Variants in COP1 observed in about 807,000 individuals in gnomAD.
COP1 encodes the protein COP1 E3 ubiquitin ligase, also known as E3 ubiquitin-protein ligase COP1.
In COP1, 24 loss-of-function variants were observed where a neutral mutation model predicts 101.3. The observed-to-expected ratio is 0.24, with a 90% confidence interval of 0.17 to 0.33. The LOEUF (loss-of-function observed/expected upper bound fraction) is 0.33. Ranked by LOEUF, COP1 falls within the 10% of genes least tolerant of loss-of-function variation. The probability of loss-of-function intolerance (pLI) is 1.00; values close to 1 mark genes in which losing one functional copy is unlikely to be tolerated. For missense variants in COP1, 663 were observed against 906.2 expected, an observed-to-expected ratio of 0.73 and a Z score of 3.45; for synonymous variants, 347 against 341.9, an observed-to-expected ratio of 1.01 and a Z score of -0.17.
At position 176,076,129 on chromosome 1, in the gene COP1, A is replaced by G. The variant is rs137929481; in HGVS notation, c.1277+5023T>C. Among the ~76,000 whole-genome samples, 373 of 152,172 alleles carry G rather than the reference A, an allele frequency of 2.5e-3. 3 individuals are homozygous for G. Among genetic ancestry groups the G allele is most frequent in the Non-Finnish European group, 1.9e-3 (132 of 68,008 alleles). ...TCTACACTTGACCAACTGGATACACATTGACACAGAGTACTACACCCAACA... is the reference window on the plus strand; with the variant it reads ...TCTACACTTGACCAACTGGATACACGTTGACACAGAGTACTACACCCAACA... On this transcript the variant is annotated intron_variant, in intron 11 of 19. Transcript: ENST00000367669.
chr1:176,092,856 T>C (rs915937904), intron 9 of COP1, among the ~76,000 whole-genome samples: 1 of 152,132 alleles, frequency 6.6e-6, no homozygotes, highest in Non-Finnish European at 1.5e-5. Flanking sequence ...TAGGTACATA[T>C]CTAGGGAAAC....
intron 3 of COP1, among the ~76,000 whole-genome samples, chr1:176,172,216 AT>A (rs1696180794): frequency 6.6e-6 from 1 of 152,110 alleles, no homozygotes; most frequent in Non-Finnish European, 1.5e-5. Flanking sequence ...CGCCTGGCTA[AT>A]TTTTTATAGA....
chr1:176,091,602 C>A (rs1193432069), intron 9 of COP1, among the ~76,000 whole-genome samples: 1 of 151,824 alleles, frequency 6.6e-6, no homozygotes, highest in Non-Finnish European at 1.5e-5. Context: ...TTGTATTGTT[C>A]AGGAAGGTAA....
chr1:175,991,829 C>G (rs1487318427), intron 15 of COP1, among the ~76,000 whole-genome samples: 1 of 152,170 alleles, frequency 6.6e-6, no homozygotes, highest in African/African-American at 2.4e-5. Flanking sequence ...CGTTTTGTCT[C>G]ACTGAAAAGT....
chr1:176,199,655 G>A (rs1055404709), intron 1 of COP1, among the ~76,000 whole-genome samples: 8 of 152,016 alleles, frequency 5.3e-5, no homozygotes, highest in African/African-American at 1.2e-4. Context: ...TATACCAAAC[G>A]AAAGAAACCA....
chr1:176,037,157 C>T (rs1336977443), intron 14 of COP1, among the ~76,000 whole-genome samples: 1 of 152,146 alleles, frequency 6.6e-6, no homozygotes, highest in African/African-American at 2.4e-5. Flanking sequence ...AATCCCAGCA[C>T]TTTGGGAGGC....
chr1:176,046,353 AT>A, intron 11 of COP1, 29 bp from the exon 12 acceptor site: 1 of 1,592,038 alleles, frequency 6.3e-7, no homozygotes, highest in Middle Eastern at 1.7e-4. Context: ...TAATGACAAC[AT>A]TTCAGAATTT....
chr1:176,182,445 A>T (rs1319806969), intron 2 of COP1, among the ~76,000 whole-genome samples: 1 of 152,216 alleles, frequency 6.6e-6, no homozygotes, highest in Non-Finnish European at 1.5e-5. Flanking sequence ...CAATGTCTAG[A>T]GACATTTTTG....
intron 11 of COP1, among the ~76,000 whole-genome samples, chr1:176,047,869 G>GT (rs1474553994): frequency 2.6e-5 from 4 of 152,208 alleles, no homozygotes; most frequent in Non-Finnish European, 5.9e-5. Flanking sequence ...GAGTCCAGGA[G>GT]TTTGAGACCA....
chr1:176,019,721 C>CT (rs1416445902), intron 15 of COP1, among the ~76,000 whole-genome samples: 1 of 151,548 alleles, frequency 6.6e-6, no homozygotes, highest in Non-Finnish European at 1.5e-5. Context: ...ATTAGCCAGG[C>CT]ATCGTAGCAT....
intron 14 of COP1, among the ~76,000 whole-genome samples, chr1:176,028,307 G>A (rs1391379036): frequency 2.0e-5 from 3 of 152,044 alleles, no homozygotes; most frequent in African/African-American, 7.2e-5. Flanking sequence ...GCTCATGACT[G>A]TAATCACAGC....
At chr1:176,132,518 T>C (rs1337735170) in intron 8 of COP1, among the ~76,000 whole-genome samples, 5 of 150,264 alleles carry the variant, frequency 3.3e-5, no homozygotes, top group South Asian at 4.2e-4. Flanking sequence ...TGTGTGTGTA[T>C]ATACACACAC....
chr1:175,968,165 C>T (rs113140584), intron 18 of COP1, among the ~76,000 whole-genome samples: 2,585 of 152,264 alleles, frequency 0.017, 71 homozygotes, highest in African/African-American at 0.058. Flanking sequence ...CCACCATGCT[C>T]GGCAAGAGAA....
chr1:176,103,336 A>C (rs1479197268), intron 9 of COP1, among the ~76,000 whole-genome samples: 1 of 152,150 alleles, frequency 6.6e-6, no homozygotes, highest in Non-Finnish European at 1.5e-5. Flanking sequence ...ACACACACCA[A>C]CCTCCAGGAA....
rs536375979 is a variant in COP1, at chr1:176,036,502, A to C, written c.1612+6684T>G. 8.8e-4 allele frequency among the ~76,000 whole-genome samples: 131 copies of C among 149,676 alleles called. 2 individuals are homozygous for C. The highest frequency in any genetic ancestry group is 2.7e-3 in the African/African-American group (111 of 40,836). ...TTCTCAGAGGTAATGAAAAAAACAA[A>C]AAAACAAAAAAAAAAAAAAAAAAAG... On this transcript the variant is annotated intron_variant, in intron 14 of 19. Transcript: ENST00000367669.
At chr1:176,135,134 T>A (rs1325800862) in intron 7 of COP1, 48 bp from the exon 8 acceptor site, 1 of 1,262,724 alleles carries the variant, frequency 7.9e-7, no homozygotes, top group Admixed American at 1.8e-5. Context: ...AAATAGAAGA[T>A]ATATAAATCA....
intron 8 of COP1, among the ~76,000 whole-genome samples, chr1:176,120,367 C>A (rs1686914301): frequency 6.6e-6 from 1 of 151,548 alleles, no homozygotes; most frequent in Admixed American, 6.6e-5. Context: ...TTGCAGTGAG[C>A]CGAGATCACA....
rs114446684 is a variant in COP1 at position 176,107,774 on chromosome 1, T to C, written c.1026+8850A>G. Reference sequence around the variant, plus strand: ...TTAACATCACCAGCACTGAGACAAATAGATACCATATGCCTCCAGATATGA... The same window carrying C: ...TTAACATCACCAGCACTGAGACAAACAGATACCATATGCCTCCAGATATGA... On this transcript the variant is annotated intron_variant, in intron 9 of 19. Coordinates refer to ENST00000367669, the MANE Select transcript of COP1 (RefSeq NM_022457.7). Among the ~76,000 whole-genome samples, 901 of 152,206 alleles carry C rather than the reference T, an allele frequency of 5.9e-3. 12 individuals are homozygous for C. The highest frequency in any genetic ancestry group is 0.021 in the African/African-American group (863 of 41,522).
chr1:175,961,909 G>GAA (rs35007985), intron 18 of COP1, among the ~76,000 whole-genome samples: 9 of 145,478 alleles, frequency 6.2e-5, no homozygotes, highest in East Asian at 2.0e-4. Context: ...GAATAAATTT[G>GAA]AAAAAAAAAA....
Sources: allele counts gnomAD v4.1 joint callset (sites outside exome capture counted in the v4.1 genomes callset), GRCh38; gene constraint gnomAD v4.1.1; transcripts MANE v1.5; gene names NCBI Gene and HGNC (gene_info 2026-07-23, HGNC 2026-07-21).